The following SPATA13 variants were observed in gnomAD, a reference collection of about 807,000 sequenced individuals.
The protein encoded by SPATA13 is spermatogenesis associated 13.
In SPATA13, 50 loss-of-function variants were observed where a neutral mutation model predicts 104.0. That is an observed-to-expected ratio of 0.48 (90% CI 0.38 to 0.61). SPATA13 has a LOEUF of 0.61. Ranked by LOEUF, SPATA13 falls within the 20% of genes least tolerant of loss-of-function variation. The pLI is 0.00. For synonymous variants in SPATA13, 606 were observed against 667.5 expected, an observed-to-expected ratio of 0.91 and a Z score of 1.42; for missense variants, 1,524 against 1,690.6, an observed-to-expected ratio of 0.90 and a Z score of 1.73.
At chr13:24,266,055 A>G (rs1250471135) in intron 4 of SPATA13, among the ~76,000 whole-genome samples, 1 of 152,134 alleles carries the variant, frequency 6.6e-6, no homozygotes, top group Non-Finnish European at 1.5e-5. Context: ...AACCTTAATG[A>G]ACCTACTCAG....
In SPATA13 at chr13:24,304,698, A is replaced by G. The variant is rs543306196; in HGVS notation, c.*1925A>G. ...TCCATTCTGAGCCACCTTGGCACAC[A>G]TGCTTACAGGCAGCACTGCTAAGGG... On this transcript the variant is annotated 3_prime_UTR_variant, in exon 13 of 13. Coordinates refer to ENST00000382108, the MANE Select transcript of SPATA13 (RefSeq NM_001166271.3). 1 of 152,322 alleles carries G rather than the reference A, an allele frequency of 6.6e-6. No individual in the cohort carries two copies. Among genetic ancestry groups the G allele is most frequent in the South Asian group, 2.1e-4 (1 of 4,830 alleles). The allele number at this position is 152,322 out of a possible 1,614,324, so 9.4% of individuals were successfully genotyped here.
In SPATA13 at chr13:24,181,664, G is replaced by A. The variant is rs1329130822; in HGVS notation, c.-112+20732G>A. Among the ~76,000 whole-genome samples the A allele has an allele frequency of 2.0e-5, 3 of 151,996 alleles. No individual in the cohort carries two copies. In the South Asian group the frequency reaches 6.3e-4, roughly 32 times the overall value. On this transcript the variant is annotated intron_variant, in intron 1 of 12. Coordinates refer to ENST00000382108, the MANE Select transcript of SPATA13 (RefSeq NM_001166271.3). ...TCTTGTCCCACTAGAAGGTCTTCAG[G>A]GGAAGTAACACGCATAGAGCTGTCA...
chr13:24,027,634 T>C (rs1212402002), intron 3 of SPATA13, among the ~76,000 whole-genome samples: 2 of 152,236 alleles, frequency 1.3e-5, no homozygotes, highest in African/African-American at 4.8e-5. Context: ...AGTTCTTAGT[T>C]CATTAATGTT....
At chr13:24,135,321 T>C (rs1226267735) in intron 3 of SPATA13, among the ~76,000 whole-genome samples, 2 of 152,226 alleles carry the variant, frequency 1.3e-5, no homozygotes, top group African/African-American at 4.8e-5. Flanking sequence ...TGATAGAAGT[T>C]TGAAAGCTGG....
At chr13:24,163,527 G>C (rs1882599731) in intron 1 of SPATA13, among the ~76,000 whole-genome samples, 1 of 152,196 alleles carries the variant, frequency 6.6e-6, no homozygotes, top group Non-Finnish European at 1.5e-5. Context: ...GTGACTGTAT[G>C]AGTCTTATTT....
intron 3 of SPATA13, among the ~76,000 whole-genome samples, chr13:24,118,616 G>C (rs1343668436): frequency 6.6e-6 from 1 of 152,152 alleles, no homozygotes; most frequent in African/African-American, 2.4e-5. Context: ...GGTAGGGTCT[G>C]AGAATCTGCA....
intron 10 of SPATA13, among the ~76,000 whole-genome samples, chr13:24,295,678 T>A (rs919811395): frequency 4.3e-5 from 6 of 139,280 alleles, no homozygotes; most frequent in African/African-American, 7.7e-5. Flanking sequence ...TCACTCTCTC[T>A]CTCTCTCTCT....
chr13:24,104,454 T>C (rs1343105784), intron 3 of SPATA13, among the ~76,000 whole-genome samples: 1 of 152,226 alleles, frequency 6.6e-6, no homozygotes, highest in African/African-American at 2.4e-5. Flanking sequence ...CCTTAACCAT[T>C]TATTCAAATA....
intron 3 of SPATA13, among the ~76,000 whole-genome samples, chr13:24,143,836 G>A: frequency 6.6e-6 from 1 of 152,196 alleles, no homozygotes; most frequent in South Asian, 2.1e-4. Flanking sequence ...GACTTACTTG[G>A]AGGAACATGT....
At chr13:24,003,937 C>T (rs1876098928) in intron 2 of SPATA13, among the ~76,000 whole-genome samples, 1 of 152,178 alleles carries the variant, frequency 6.6e-6, no homozygotes, top group Non-Finnish European at 1.5e-5. Flanking sequence ...GCCACACTCC[C>T]CCTCCTCCTG....
chr13:24,099,433 CA>C (rs1371742864), intron 3 of SPATA13, among the ~76,000 whole-genome samples: 1 of 152,192 alleles, frequency 6.6e-6, no homozygotes, highest in African/African-American at 2.4e-5. Context: ...TCTCAGTGGC[CA>C]CATTCCAAGT....
chr13:24,135,150 T>C lies in SPATA13; in HGVS notation c.-111-87669T>C, dbSNP rs149874971. On this transcript the variant is annotated intron_variant, in intron 3 of 14. Transcript: ENST00000424834. ...AGAGCCGCAGGAAAATAAATTTCTA[T>C]TGTATAAGCCACCTAGCTCGTGATA... is the stretch of plus-strand genomic sequence containing the variant. Among the ~76,000 whole-genome samples the C allele has an allele frequency of 2.9e-3, 438 of 152,288 alleles. 1 individual carries two copies. The highest frequency in any genetic ancestry group is 0.01 in the African/African-American group (420 of 41,540).
intron 3 of SPATA13, among the ~76,000 whole-genome samples, chr13:24,052,929 T>C (rs921577713): frequency 7.9e-6 from 1 of 126,434 alleles, no homozygotes; most frequent in African/African-American, 2.9e-5. Context: ...TGCAGGGATA[T>C]TTTGGGACTG....
chr13:24,055,276 T>C (rs897070742), intron 3 of SPATA13, among the ~76,000 whole-genome samples: 8 of 152,268 alleles, frequency 5.3e-5, no homozygotes, highest in South Asian at 2.1e-4. Context: ...TTCAGTGTTA[T>C]AGATGTTATG....
chr13:24,277,930 A>G (rs918242008), intron 4 of SPATA13, among the ~76,000 whole-genome samples: 9 of 152,130 alleles, frequency 5.9e-5, no homozygotes, highest in Admixed American at 2.6e-4. Flanking sequence ...CATAAAACAC[A>G]CTTGAATTAT....
chr13:24,207,480 T>C (rs1262311783), intron 1 of SPATA13, among the ~76,000 whole-genome samples: 4 of 152,202 alleles, frequency 2.6e-5, no homozygotes, highest in African/African-American at 9.6e-5. Flanking sequence ...TAGTTCTGTG[T>C]TTGAGTTTTT....
chr13:24,019,554 A>G (rs1198954707), intron 3 of SPATA13, among the ~76,000 whole-genome samples: 2 of 152,248 alleles, frequency 1.3e-5, no homozygotes, highest in Non-Finnish European at 2.9e-5. Context: ...AGCATTTTTA[A>G]TATCACATGC....
In SPATA13 at chr13:24,286,609, A is replaced by G. The variant is rs1875965904; in HGVS notation, c.2482-156A>G. Among the ~76,000 whole-genome samples the G allele has an allele frequency of 6.6e-6, 1 of 152,126 alleles. No individual in the cohort carries two copies. The highest frequency in any genetic ancestry group is 2.4e-5 in the African/African-American group (1 of 41,434). ...CTCTGTGGTCCTCGTGCCTGCTGGC[A>G]TAGCCGCAGCCCTGCTGAGGCCATG... On this transcript the variant is annotated intron_variant, in intron 6 of 12. Transcript: ENST00000382108. The surrounding 1 kb of genome is among the most constrained non-coding windows in gnomAD (Gnocchi z 4.9).
intron 3 of SPATA13, among the ~76,000 whole-genome samples, chr13:24,102,273 A>T (rs574876187): frequency 6.6e-5 from 10 of 152,206 alleles, no homozygotes; most frequent in Middle Eastern, 3.4e-3. Context: ...CTACTTGCGT[A>T]TCTTCTTTAG....
Sources: gnomAD v4.1 joint callset for allele counts (sites outside exome capture counted in the v4.1 genomes callset) on GRCh38, gnomAD v4.1.1 for gene constraint, Gnocchi (gnomAD v3.1) non-coding constraint, MANE v1.5 for transcripts, NCBI Gene and HGNC (gene_info 2026-07-23, HGNC 2026-07-21) for gene names.